The following KCND2 variants were observed in gnomAD, a reference collection of about 807,000 sequenced individuals.
The protein encoded by KCND2 is potassium voltage-gated channel subfamily D member 2, also known as A-type voltage-gated potassium channel KCND2.
In KCND2, 16 loss-of-function variants were observed where a neutral mutation model predicts 54.4. The ratio of observed to expected loss-of-function variants is 0.29; its 90% CI spans 0.20 to 0.45. KCND2 has a LOEUF of 0.45. KCND2 is among the 20% of genes least tolerant of loss of function. The pLI is 1.00. For missense variants in KCND2, 486 were observed against 824.2 expected (o/e 0.59, Z 5.02); for synonymous variants, 317 against 310.7 (o/e 1.02, Z -0.21).
chr7:120,574,581 C>T (rs528114402), intron 1 of KCND2, among the ~76,000 whole-genome samples: 1 of 152,194 alleles, frequency 6.6e-6, no homozygotes, highest in African/African-American at 2.4e-5. Context: ...TCAAACTTAG[C>T]TTCACTTCAA....
At chr7:120,446,571 T>A (rs1205644682) in intron 1 of KCND2, among the ~76,000 whole-genome samples, 1 of 150,954 alleles carries the variant, frequency 6.6e-6, no homozygotes, top group South Asian at 2.1e-4. Flanking sequence ...CACATACACA[T>A]ACACATACAC....
chr7:120,521,066 C>T (rs1038223919), intron 1 of KCND2, among the ~76,000 whole-genome samples: 9 of 152,104 alleles, frequency 5.9e-5, no homozygotes, highest in Non-Finnish European at 1.3e-4. Context: ...CTGTAAAGTA[C>T]ACTTTAGAAA....
intron 4 of KCND2, among the ~76,000 whole-genome samples, chr7:120,745,483 T>A (rs1420116761): frequency 6.6e-6 from 1 of 151,888 alleles, no homozygotes; most frequent in Admixed American, 6.6e-5. Context: ...CCTTATCATA[T>A]ACCTTCCAGA....
chr7:120,559,810 G>A (rs147148132), intron 1 of KCND2, among the ~76,000 whole-genome samples: 117 of 152,238 alleles, frequency 7.7e-4, no homozygotes, highest in Non-Finnish European at 1.4e-3. Flanking sequence ...TAAGTCTTCT[G>A]CATCAGAATG....
At chr7:120,360,683 A>AT (rs1800579978) in intron 1 of KCND2, among the ~76,000 whole-genome samples, 2 of 152,044 alleles carry the variant, frequency 1.3e-5, no homozygotes, top group Admixed American at 1.3e-4. Flanking sequence ...CTTCCCTGTC[A>AT]TTGACACTTT....
chr7:120,376,952 G>C (rs1362143864), intron 1 of KCND2, among the ~76,000 whole-genome samples: 1 of 151,860 alleles, frequency 6.6e-6, no homozygotes, highest in Non-Finnish European at 1.5e-5. Flanking sequence ...TATGTCTTCA[G>C]TTCACACAAT....
intron 1 of KCND2, among the ~76,000 whole-genome samples, chr7:120,730,083 A>G (rs2116136511): frequency 6.6e-6 from 1 of 152,328 alleles, no homozygotes; most frequent in Middle Eastern, 3.4e-3. Context: ...GAGAAACTAT[A>G]TGATGGATTC....
rs569438750 is a variant in KCND2 at position 120,652,597 on chromosome 7, T to C, written c.1116-80306T>C. 9.8e-5 allele frequency among the ~76,000 whole-genome samples: 15 copies of C among 152,310 alleles called. 1 individual carries two copies. The highest frequency in any genetic ancestry group is 3.4e-4 in the African/African-American group (14 of 41,588). ...CTAATTAGAAGCCCACCTCTCCTTG[T>C]GTGGTCCCAGAGAAGAAACTTTGAG... On this transcript the variant is annotated intron_variant, in intron 1 of 5. Coordinates refer to ENST00000331113, the MANE Select transcript of KCND2 (RefSeq NM_012281.3).
At chr7:120,692,394 A>G (rs1792280798) in intron 1 of KCND2, among the ~76,000 whole-genome samples, 1 of 152,132 alleles carries the variant, frequency 6.6e-6, no homozygotes, top group Non-Finnish European at 1.5e-5. Context: ...TTTTTTAGTT[A>G]TCTTTTATTT....
intron 1 of KCND2, among the ~76,000 whole-genome samples, chr7:120,647,658 G>T (rs897583732): frequency 1.5e-4 from 23 of 152,098 alleles, no homozygotes; most frequent in African/African-American, 5.6e-4. Flanking sequence ...ATGGCTTACT[G>T]CTTTTGCCTA....
intron 1 of KCND2, among the ~76,000 whole-genome samples, chr7:120,664,470 G>A (rs190067649): frequency 2.6e-5 from 4 of 151,902 alleles, no homozygotes; most frequent in Admixed American, 2.0e-4. Context: ...AGAAATGAAG[G>A]GAGGAAGGGA....
Position 120,498,903 on chromosome 7 carries a change from G to A in KCND2, c.1115+223156G>A, listed in dbSNP as rs1289453921. ...TAAGCTGACTGATATATACAATTTTGTATTTTGTTTAGGGAAAATGAATTG... is the reference window on the plus strand; with the variant it reads ...TAAGCTGACTGATATATACAATTTTATATTTTGTTTAGGGAAAATGAATTG... On this transcript the variant is annotated intron_variant, in intron 1 of 5. Coordinates refer to ENST00000331113, the MANE Select transcript of KCND2 (RefSeq NM_012281.3). Among the ~76,000 whole-genome samples the A allele has an allele frequency of 2.0e-5, 3 of 152,108 alleles. No individual in the cohort carries two copies. The East Asian group carries it at 5.8e-4, about 29-fold the overall frequency.
intron 1 of KCND2, among the ~76,000 whole-genome samples, chr7:120,730,063 T>C (rs1792785785): frequency 6.6e-6 from 1 of 152,200 alleles, no homozygotes; most frequent in African/African-American, 2.4e-5. Context: ...TAAAAATCTT[T>C]CAAGGGCAAG....
In KCND2 at chr7:120,341,052, AT is replaced by A. The variant is rs1800232706; in HGVS notation, c.1115+65310del. On this transcript the variant is annotated intron_variant, in intron 1 of 5. Coordinates refer to ENST00000331113, the MANE Select transcript of KCND2 (RefSeq NM_012281.3). ...GGGAAGGTTTTACTGAGGAGAGAAT[AT>A]TTTTATCTCAAGAAACTTGATAGAG... Among the ~76,000 whole-genome samples, 3 of 152,250 alleles carry A rather than the reference AT, an allele frequency of 2.0e-5. No homozygotes were observed. In the South Asian group the frequency reaches 6.2e-4, roughly 32 times the overall value.
intron 1 of KCND2, among the ~76,000 whole-genome samples, chr7:120,727,642 C>T (rs866844523): frequency 9.2e-5 from 14 of 152,126 alleles, no homozygotes; most frequent in South Asian, 2.1e-4. Flanking sequence ...TTGGGAAGTA[C>T]GCAAATTTAG....
intron 1 of KCND2, among the ~76,000 whole-genome samples, chr7:120,711,971 C>A (rs1464380633): frequency 6.6e-6 from 1 of 151,866 alleles, no homozygotes; most frequent in Non-Finnish European, 1.5e-5. Flanking sequence ...TAATTTAAAG[C>A]AAAATTAAGG....
At chr7:120,737,855 G>A (rs973408556) in intron 2 of KCND2, among the ~76,000 whole-genome samples, 1 of 151,834 alleles carries the variant, frequency 6.6e-6, no homozygotes, top group African/African-American at 2.4e-5. Flanking sequence ...TCACTTTTAA[G>A]GCTACCTAGG....
At chr7:120,742,713 CA>C (rs775430709) in intron 4 of KCND2, 111 bp downstream of exon 4, 26 of 856,482 alleles carry the variant, frequency 3.0e-5, no homozygotes, top group Non-Finnish European at 4.6e-5. Flanking sequence ...TACTGGAAAA[CA>C]TGCTAAAAAA....
chr7:120,745,843 C>T lies in KCND2; in HGVS notation c.1531C>T (p.Arg511Cys), dbSNP rs371278444. The T allele has an allele frequency of 6.8e-6, 11 of 1,613,480 alleles. No homozygotes were observed. The highest frequency in any genetic ancestry group is 1.3e-5 in the African/African-American group (1 of 74,906). ...CTGCATGGAAGTTGCAACTGTTAAT[C>T]GTCCTTCAAGTCACAGTCCTTCACT... The part of the protein sequence containing the change: ...ESCMEVATVN[R>C]PSSHSPSLSS... Residue 511 changes from arginine to cysteine, a missense_variant, in exon 5 of 6, where the codon CGT (arginine) becomes TGT (cysteine). Coordinates refer to ENST00000331113, the MANE Select transcript of KCND2 (RefSeq NM_012281.3).
Sources: gnomAD v4.1 joint callset for allele counts (sites outside exome capture counted in the v4.1 genomes callset) on GRCh38, gnomAD v4.1.1 for gene constraint, MANE v1.5 for transcripts, NCBI Gene and HGNC (gene_info 2026-07-23, HGNC 2026-07-21) for gene names.